Variants in CDH1 observed in about 807,000 individuals in gnomAD.
CDH1 encodes cadherin-1.
In CDH1, 35 loss-of-function variants were observed where a neutral mutation model predicts 84.5. The observed-to-expected ratio is 0.41, with a 90% CI of 0.32 to 0.55. The LOEUF is 0.55. CDH1 is among the 20% of genes least tolerant of loss of function. CDH1 has a pLI of 0.19. For missense variants in CDH1, 994 were observed against 1,126.6 expected (o/e 0.88, Z 1.68); for synonymous variants, 417 against 439.0 (o/e 0.95, Z 0.63).
In CDH1 at chr16:68,772,367, T is replaced by C. The variant is rs945887483; in HGVS notation, c.164-29303T>C. 2.6e-5 allele frequency among the ~76,000 whole-genome samples: 4 copies of C among 152,180 alleles called. No individual in the cohort carries two copies. The South Asian group carries it at 6.2e-4, about 24-fold the overall frequency. On this transcript the variant is annotated intron_variant, in intron 2 of 15. Coordinates refer to ENST00000261769, the MANE Select transcript of CDH1 (RefSeq NM_004360.5). ...GTCCCTCTCCAACATATGGGAGAGATAGATAAGTCTCTTTAATTAGTTCAC... is the reference window on the plus strand; with the variant it reads ...GTCCCTCTCCAACATATGGGAGAGACAGATAAGTCTCTTTAATTAGTTCAC...
intron 3 of CDH1, among the ~76,000 whole-genome samples, chr16:68,803,905 G>A (rs768791636): frequency 3.3e-5 from 5 of 152,038 alleles, no homozygotes; most frequent in Admixed American, 3.3e-4. Context: ...GTCATCAAGA[G>A]CCCAGGTTCC....
At chr16:68,828,941 T>G (rs2152141908) in intron 14 of CDH1, among the ~76,000 whole-genome samples, 1 of 152,238 alleles carries the variant, frequency 6.6e-6, no homozygotes, top group South Asian at 2.1e-4. Flanking sequence ...GGGAGGTGGG[T>G]GTACAGAGAA....
chr16:68,782,855 C>T (rs1242668061), intron 2 of CDH1, among the ~76,000 whole-genome samples: 2 of 152,102 alleles, frequency 1.3e-5, no homozygotes, highest in African/African-American at 2.4e-5. Context: ...GTCAGTGTTC[C>T]TCTTAGAGCA....
intron 2 of CDH1, among the ~76,000 whole-genome samples, chr16:68,758,234 TGAGAGAG>T (rs1963073681): frequency 8.6e-6 from 1 of 116,876 alleles, no homozygotes; most frequent in African/African-American, 3.2e-5. Flanking sequence ...TTTTTTTTTT[TGAGAGAG>T]AGAGAGAGAG....
Position 68,816,001 on chromosome 16 carries a change from A to G in CDH1, c.1565+242A>G, listed in dbSNP as rs8057342. Among the ~76,000 whole-genome samples, 21,360 of 151,966 alleles carry G rather than the reference A, an allele frequency of 0.14. 3,182 individuals carry two copies. Among genetic ancestry groups the G allele is most frequent in the African/African-American group, 0.38 (15,529 of 41,408 alleles). ...GCTCTTGTAGTATGGTAGAAATGCAATTTTACTTTGCATACATACTATTGT... is the reference window on the plus strand; with the variant it reads ...GCTCTTGTAGTATGGTAGAAATGCAGTTTTACTTTGCATACATACTATTGT... On this transcript the variant is annotated intron_variant, in intron 10 of 15. Transcript: ENST00000261769.
At position 68,815,450 on chromosome 16, in the gene CDH1, A is replaced by T. The variant is rs1023244157; in HGVS notation, c.1321-65A>T. 1.9e-6 allele frequency: 3 copies of T among 1,603,452 alleles called. No homozygotes were observed. Among genetic ancestry groups the T allele is most frequent in the Non-Finnish European group, 2.6e-6 (3 of 1,173,440 alleles). On this transcript the variant is annotated intron_variant, in intron 9 of 15. Coordinates refer to ENST00000261769, the MANE Select transcript of CDH1 (RefSeq NM_004360.5). ...TACCAAAAGCAACAGTTAAGGATTTAATTTTATTTTTACTAACACAAAATG... is the reference window on the plus strand; with the variant it reads ...TACCAAAAGCAACAGTTAAGGATTTTATTTTATTTTTACTAACACAAAATG...
At position 68,794,006 on chromosome 16, in the gene CDH1, T is replaced by C. The variant is rs551004476; in HGVS notation, c.164-7664T>C. Among the ~76,000 whole-genome samples, 5 of 151,514 alleles carry C rather than the reference T, an allele frequency of 3.3e-5. No individual in the cohort carries two copies. In the South Asian group the frequency reaches 6.3e-4, roughly 19 times the overall value. The stretch of plus-strand genomic sequence containing the variant: ...AGGACTGCTCTATCTAATAAGGACA[T>C]AGACTGTTGTTGTTGTCCATAGTTT... On this transcript the variant is annotated intron_variant, in intron 2 of 15. Transcript: ENST00000261769.
chr16:68,816,368 G>A (rs949053026), intron 10 of CDH1, among the ~76,000 whole-genome samples: 1 of 152,138 alleles, frequency 6.6e-6, no homozygotes, highest in Non-Finnish European at 1.5e-5. Context: ...AAACTTGAAG[G>A]TACCTCTATA....
chr16:68,807,165 A>G (rs1484674872), intron 3 of CDH1, among the ~76,000 whole-genome samples: 2 of 152,222 alleles, frequency 1.3e-5, no homozygotes, highest in Non-Finnish European at 2.9e-5. Flanking sequence ...AGTTATCTTT[A>G]TTGCATATGA....
chr16:68,804,102 C>CTTTTTTTTTT (rs10563852), intron 3 of CDH1, among the ~76,000 whole-genome samples: 1 of 75,070 alleles, frequency 1.3e-5, no homozygotes. Context: ...ATCTGTCTGC[C>CTTTTTTTTTT]TTTTTTTTTT....
At chr16:68,774,530 A>C (rs1959675026) in intron 2 of CDH1, among the ~76,000 whole-genome samples, 1 of 152,142 alleles carries the variant, frequency 6.6e-6, no homozygotes, top group African/African-American at 2.4e-5. Flanking sequence ...AAATAAATAA[A>C]TAAGTTTGAT....
chr16:68,763,617 G>C (rs1643098941), intron 2 of CDH1: 1 of 152,166 alleles, frequency 6.6e-6, no homozygotes, highest in African/African-American at 2.4e-5. Context: ...ATCTGCGGAG[G>C]GGTCTCCTTC....
chr16:68,805,399 T>C (rs10431924), intron 3 of CDH1, among the ~76,000 whole-genome samples: 68,079 of 151,758 alleles, frequency 0.45, 16,476 homozygotes, highest in East Asian at 0.54. Context: ...CACATGAAAA[T>C]GTTAGTGTGA....
intron 2 of CDH1, among the ~76,000 whole-genome samples, chr16:68,766,749 A>T (rs1959400914): frequency 7.0e-6 from 1 of 143,398 alleles, no homozygotes; most frequent in African/African-American, 2.6e-5. Flanking sequence ...TTTTTTTTTG[A>T]GACAGTCTCA....
intron 2 of CDH1, among the ~76,000 whole-genome samples, chr16:68,739,323 A>G (rs573805112): frequency 2.3e-4 from 35 of 152,162 alleles, no homozygotes; most frequent in Admixed American, 4.6e-4. Context: ...AGGCTGAGGC[A>G]GGAGAATTGC....
At chr16:68,749,269 G>A (rs937360991) in intron 2 of CDH1, among the ~76,000 whole-genome samples, 7 of 152,242 alleles carry the variant, frequency 4.6e-5, no homozygotes, top group African/African-American at 1.7e-4. Context: ...CAATTCAGGG[G>A]AGGAAAATTA....
rs775730054 is a variant in CDH1, at chr16:68,813,431, ATGG to A, written c.1260_1262del (p.Gly421del). The A allele has an allele frequency of 1.2e-6, 2 of 1,614,194 alleles. No individual in the cohort carries two copies. The highest frequency in any genetic ancestry group is 3.3e-5 in the Admixed American group (2 of 60,018). Reference sequence around the variant, plus strand: ...GCTGTATACACCATATTGAATGATGATGGTGGACAATTTGTCGTCACCACAAAT... The same window carrying A: ...GCTGTATACACCATATTGAATGATGATGGACAATTTGTCGTCACCACAAAT... On this transcript the variant is annotated inframe_deletion, in exon 9 of 16. Transcript: ENST00000261769.
chr16:68,783,688 T>A (rs551575198), intron 2 of CDH1, among the ~76,000 whole-genome samples: 2 of 152,096 alleles, frequency 1.3e-5, no homozygotes, highest in Non-Finnish European at 2.9e-5. Context: ...TTTTATTTAT[T>A]TTTTTTGAGA....
At chr16:68,773,004 C>T (rs138044228) in intron 2 of CDH1, among the ~76,000 whole-genome samples, 9 of 152,202 alleles carry the variant, frequency 5.9e-5, no homozygotes, top group Middle Eastern at 3.4e-3. Flanking sequence ...AGAACTTCAT[C>T]GTAATACATT....
Sources: allele counts gnomAD v4.1 joint callset (sites outside exome capture counted in the v4.1 genomes callset), GRCh38; gene constraint gnomAD v4.1.1; transcripts MANE v1.5; gene names NCBI Gene and HGNC (gene_info 2026-07-23, HGNC 2026-07-21).